The following TRAPPC8 variants were observed in gnomAD, a reference collection of about 807,000 sequenced individuals.
TRAPPC8 encodes general sporulation gene 1 homolog.
Under a neutral mutation model 174.3 loss-of-function variants are expected in TRAPPC8, and 54 were observed. That is an observed-to-expected ratio of 0.31 (90% CI 0.25 to 0.39). The LOEUF (loss-of-function observed/expected upper bound fraction) is 0.39, where lower values mean the gene tolerates loss of function less well. TRAPPC8 is among the 10% of genes least tolerant of loss of function. TRAPPC8 has a pLI of 1.00. For missense variants in TRAPPC8, 1,531 were observed against 1,699.1 expected, an observed-to-expected ratio of 0.90 and a Z score of 1.74; for synonymous variants, 630 against 579.9, an observed-to-expected ratio of 1.09 and a Z score of -1.24.
chr18:31,873,640 C>A, intron 13 of TRAPPC8, 102 bp from the exon 14 acceptor site: 1 of 751,268 alleles, frequency 1.3e-6, no homozygotes. Context: ...ATATGTTAAG[C>A]AAGAATATTA....
Position 31,849,651 on chromosome 18 carries a change from T to C in TRAPPC8, c.3650A>G (p.His1217Arg), listed in dbSNP as rs1689546449. The C allele has an allele frequency of 6.2e-7, 1 of 1,613,404 alleles. No individual in the cohort carries two copies. Among genetic ancestry groups the C allele is most frequent in the Non-Finnish European group, 8.5e-7 (1 of 1,179,698 alleles). The change falls in exon 25 of 29, where the codon CAT (histidine) becomes CGT (arginine). Residue 1217 changes from histidine to arginine, a missense_variant. Transcript: ENST00000283351. ...ATCCTCTGTTGACTGTTTTTCTGTA[T>C]GCACAGGCAAGTGAGCTTGTGGTTT... ...LKKPQAHLPV[H>R]TEKQSTEDAV...
intron 10 of TRAPPC8, among the ~76,000 whole-genome samples, chr18:31,899,083 A>G (rs2036300635): frequency 6.6e-6 from 1 of 152,216 alleles, no homozygotes; most frequent in African/African-American, 2.4e-5. Flanking sequence ...TTAGATATTT[A>G]TGAATACCTA....
intron 19 of TRAPPC8, among the ~76,000 whole-genome samples, chr18:31,859,600 T>TGG (rs2034217166): frequency 6.6e-6 from 1 of 152,090 alleles, no homozygotes; most frequent in Non-Finnish European, 1.5e-5. Context: ...CTAGATACCA[T>TGG]CAAGAAGGTT....
intron 9 of TRAPPC8, among the ~76,000 whole-genome samples, chr18:31,904,113 A>G (rs1568117340): frequency 6.6e-6 from 1 of 151,826 alleles, no homozygotes; most frequent in Non-Finnish European, 1.5e-5. Flanking sequence ...GCGCATGCCT[A>G]TAGTCCCAGC....
intron 4 of TRAPPC8, among the ~76,000 whole-genome samples, chr18:31,913,876 C>G (rs2037020652): frequency 1.3e-5 from 2 of 151,986 alleles, no homozygotes; most frequent in Admixed American, 1.3e-4. Context: ...CTACAGGAAA[C>G]AAAACAAGTG....
At chr18:31,902,455 G>C (rs1264033272) in intron 9 of TRAPPC8, among the ~76,000 whole-genome samples, 1 of 152,212 alleles carries the variant, frequency 6.6e-6, no homozygotes, top group Non-Finnish European at 1.5e-5. Flanking sequence ...TGTTCTCCCA[G>C]ATATTCTGCC....
In TRAPPC8 at chr18:31,887,404, G is replaced by C. The variant is rs371841410; in HGVS notation, c.1728+3331C>G. ...CTCACGCCTGTAATCCCAGCACTTG[G>C]GAGGCCAAGGCGGACGGATCACCTG... On this transcript the variant is annotated intron_variant, in intron 12 of 28. Coordinates refer to ENST00000283351, the MANE Select transcript of TRAPPC8 (RefSeq NM_014939.5). Among the ~76,000 whole-genome samples the C allele has an allele frequency of 7.2e-5, 11 of 152,280 alleles. No homozygotes were observed. The South Asian group carries it at 2.3e-3, about 32-fold the overall frequency.
At chr18:31,923,430 T>C (rs2037473269) in intron 2 of TRAPPC8, among the ~76,000 whole-genome samples, 1 of 152,192 alleles carries the variant, frequency 6.6e-6, no homozygotes, top group South Asian at 2.1e-4. Flanking sequence ...CAGCTTTAAA[T>C]GACCGATCTG....
chr18:31,857,780 G>T lies in TRAPPC8; in HGVS notation c.2948C>A (p.Thr983Asn), dbSNP rs2034106017. Residue 983 changes from threonine (T) to asparagine (N), a missense_variant, in exon 20 of 29, where the codon ACT (threonine) becomes AAT (asparagine). By Grantham distance (65) the Thr-to-Asn change is moderately conservative. Coordinates refer to ENST00000283351, the MANE Select transcript of TRAPPC8 (RefSeq NM_014939.5). ...CACAGAGGTAGCATCTGTCACAACAGTCTTGTAAGCACTACAATTCTCAGA... is the reference window on the plus strand; with the variant it reads ...CACAGAGGTAGCATCTGTCACAACATTCTTGTAAGCACTACAATTCTCAGA... ...SASENCSAYK[T>N]VVTDATSVCT... 1.9e-6 allele frequency: 3 copies of T among 1,614,180 alleles called. No homozygotes were observed. In the African/African-American group the frequency reaches 4.0e-5, roughly 22 times the overall value.
At chr18:31,861,580 A>G (rs1568057434) in intron 19 of TRAPPC8, among the ~76,000 whole-genome samples, 1 of 152,196 alleles carries the variant, frequency 6.6e-6, no homozygotes. Flanking sequence ...CATTGCATTT[A>G]AAAACCATCT....
At chr18:31,843,426 G>A (rs1045766503) in intron 26 of TRAPPC8, among the ~76,000 whole-genome samples, 2 of 152,042 alleles carry the variant, frequency 1.3e-5, no homozygotes, top group African/African-American at 4.8e-5. Flanking sequence ...TTGTTACATT[G>A]GTAAAATAAT....
chr18:31,871,037 G>T lies in TRAPPC8; in HGVS notation c.2146C>A (p.Gln716Lys), dbSNP rs142813617. Residue 716 changes from glutamine (Q) to lysine (K), a missense_variant, in exon 15 of 29, where the codon CAA becomes AAA. By Grantham distance (53) the Gln-to-Lys change is moderately conservative (BLOSUM62 1). Transcript: ENST00000283351. ...SSQQWRELEE[Q>K]VVSVVNKGVI... ...CCTTTGTTAACCACAGAAACAACTT[G>T]TTCCTCAAGTTCTCGCCACTGCTGA... is the stretch of plus-strand genomic sequence containing the variant. The T allele has an allele frequency of 1.2e-6, 2 of 1,610,906 alleles. No homozygotes were observed. The highest frequency in any genetic ancestry group is 2.7e-5 in the African/African-American group (2 of 74,814).
In TRAPPC8 at chr18:31,942,963, C is replaced by T. The variant is rs1234894079; in HGVS notation, c.-199G>A. On this transcript the variant is annotated 5_prime_UTR_variant, in exon 1 of 29. Coordinates refer to ENST00000283351, the MANE Select transcript of TRAPPC8 (RefSeq NM_014939.5). ...CACAATCCACTGACCCCCCCCTTCC[C>T]GTCACCGCCGCTTCTCAGCGCTCGT... The T allele has an allele frequency of 1.8e-6, 2 of 1,108,478 alleles. No individual in the cohort carries two copies. Among genetic ancestry groups the T allele is most frequent in the Non-Finnish European group, 2.3e-6 (2 of 873,568 alleles). The allele number at this position is 1,108,478 out of a possible 1,614,324, so 68.7% of individuals were successfully genotyped here. A position where few individuals can be genotyped will look rare whatever the true frequency, so the allele number is the denominator to read the frequency against.
chr18:31,837,013 T>C (rs371939651), intron 27 of TRAPPC8, among the ~76,000 whole-genome samples: 56 of 152,006 alleles, frequency 3.7e-4, no homozygotes, highest in South Asian at 8.3e-4. Flanking sequence ...CCGCCCGCCT[T>C]GGCCTCCCAA....
intron 22 of TRAPPC8, among the ~76,000 whole-genome samples, chr18:31,853,048 CTGCTA>C (rs2033797008): frequency 6.6e-6 from 1 of 152,184 alleles, no homozygotes; most frequent in Non-Finnish European, 1.5e-5. Context: ...CGAACACACT[CTGCTA>C]TATGTTTTCC....
chr18:31,830,476 G>A lies in TRAPPC8; in HGVS notation c.*279C>T. 2.8e-6 allele frequency: 1 copy of A among 353,360 alleles called. No homozygotes were observed. The highest frequency in any genetic ancestry group is 4.5e-5 in the Admixed American group (1 of 22,256). The allele number at this position is 353,360 out of a possible 1,614,324, so 21.9% of individuals were successfully genotyped here. The stretch of plus-strand genomic sequence containing the variant: ...TTGTAACAGCAGACTTAGACTTTGT[G>A]TTTTCTTAAGATGGGGCTTAATAAG... On this transcript the variant is annotated 3_prime_UTR_variant, in exon 29 of 29. Coordinates refer to ENST00000283351, the MANE Select transcript of TRAPPC8 (RefSeq NM_014939.5).
chr18:31,881,466 A>T (rs931599178), intron 12 of TRAPPC8, among the ~76,000 whole-genome samples: 4 of 152,104 alleles, frequency 2.6e-5, no homozygotes, highest in Non-Finnish European at 4.4e-5. Flanking sequence ...CTAGACCCCT[A>T]CCTATCACCA....
intron 24 of TRAPPC8, among the ~76,000 whole-genome samples, chr18:31,851,786 C>T (rs1174618802): frequency 1.3e-5 from 2 of 151,908 alleles, no homozygotes; most frequent in African/African-American, 4.8e-5. Context: ...TGATATGATA[C>T]GGTATGCCAA....
intron 1 of TRAPPC8, among the ~76,000 whole-genome samples, chr18:31,935,484 G>T (rs1204956480): frequency 7.0e-6 from 1 of 143,396 alleles, no homozygotes; most frequent in Non-Finnish European, 1.5e-5. Flanking sequence ...GGAGGTGGAG[G>T]TTGCGGTGAG....
Sources: gnomAD v4.1 joint callset for allele counts (sites outside exome capture counted in the v4.1 genomes callset) on GRCh38, gnomAD v4.1.1 for gene constraint, MANE v1.5 for transcripts, NCBI Gene and HGNC (gene_info 2026-07-23, HGNC 2026-07-21) for gene names.